The following NRG3 variants were observed in gnomAD, a reference collection of about 807,000 sequenced individuals.
NRG3 encodes pro-neuregulin-3, membrane-bound isoform.
Under a neutral mutation model 66.9 loss-of-function variants are expected in NRG3, and 31 were observed. The ratio of observed to expected loss-of-function variants is 0.46; its 90% CI spans 0.35 to 0.63. NRG3 has a LOEUF of 0.63. Among genes scored for constraint, NRG3 ranks in the 20% least tolerant of loss-of-function variants. NRG3 has a pLI of 0.00. For missense variants in NRG3, 910 were observed against 878.9 expected, an observed-to-expected ratio of 1.04 and a Z score of -0.45; for synonymous variants, 393 against 359.4, an observed-to-expected ratio of 1.09 and a Z score of -1.06.
At chr10:82,693,933 T>C (rs2055154678) in intron 2 of NRG3, among the ~76,000 whole-genome samples, 1 of 152,228 alleles carries the variant, frequency 6.6e-6, no homozygotes, top group Admixed American at 6.5e-5. Flanking sequence ...TTTTATTCTC[T>C]TATTTGGCCC....
At chr10:82,196,628 A>G (rs1440085800) in intron 1 of NRG3, among the ~76,000 whole-genome samples, 3 of 152,214 alleles carry the variant, frequency 2.0e-5, no homozygotes, top group African/African-American at 7.2e-5. Flanking sequence ...TGTGTGTGCA[A>G]ATAATTATTA....
chr10:82,327,457 C>G (rs1403872828), intron 1 of NRG3, among the ~76,000 whole-genome samples: 1 of 152,194 alleles, frequency 6.6e-6, no homozygotes, highest in Non-Finnish European at 1.5e-5. Flanking sequence ...CTTTATCTAT[C>G]TATCTTATTC....
intron 2 of NRG3, among the ~76,000 whole-genome samples, chr10:82,635,317 A>G (rs2050114751): frequency 6.6e-6 from 1 of 152,174 alleles, no homozygotes. Context: ...TAAAGACTCC[A>G]GCTTGACTAA....
At chr10:82,555,304 C>T (rs1223499385) in intron 2 of NRG3, among the ~76,000 whole-genome samples, 1 of 152,078 alleles carries the variant, frequency 6.6e-6, no homozygotes, top group African/African-American at 2.4e-5. Context: ...ACCCATTGTC[C>T]AGTTTCTCTA....
intron 4 of NRG3, among the ~76,000 whole-genome samples, chr10:82,882,922 G>A (rs1457054545): frequency 6.6e-6 from 1 of 152,126 alleles, no homozygotes; most frequent in African/African-American, 2.4e-5. Flanking sequence ...AGCTGCCAGT[G>A]GATACCTCTG....
chr10:82,746,391 G>A (rs368238322), intron 3 of NRG3, among the ~76,000 whole-genome samples: 36 of 152,128 alleles, frequency 2.4e-4, no homozygotes, highest in African/African-American at 8.7e-4. Flanking sequence ...GTCCTCCCAG[G>A]GGGCCTGTTC....
At chr10:82,259,052 GGATTATTCCAGAGCTCA>G (rs1464020477) in intron 1 of NRG3, among the ~76,000 whole-genome samples, 1 of 151,988 alleles carries the variant, frequency 6.6e-6, no homozygotes, top group African/African-American at 2.4e-5. Context: ...ACAGTCTCTG[GGATTATTCCAGAGCTCA>G]GACCTATTCT....
intron 2 of NRG3, among the ~76,000 whole-genome samples, chr10:82,703,968 A>T (rs2056095408): frequency 6.6e-6 from 1 of 152,052 alleles, no homozygotes; most frequent in South Asian, 2.1e-4. Flanking sequence ...AACTGCTATG[A>T]TGTGCCACTT....
chr10:82,435,565 C>T (rs950128473), intron 2 of NRG3, among the ~76,000 whole-genome samples: 7 of 152,066 alleles, frequency 4.6e-5, no homozygotes, highest in Admixed American at 1.3e-4. Flanking sequence ...ATCTTCCTAG[C>T]TTTCTAATAT....
At chr10:82,291,811 C>T (rs1023491209) in intron 1 of NRG3, among the ~76,000 whole-genome samples, 1 of 152,094 alleles carries the variant, frequency 6.6e-6, no homozygotes, top group Non-Finnish European at 1.5e-5. Flanking sequence ...AAACCTCACA[C>T]CTTATATAAA....
intron 1 of NRG3, among the ~76,000 whole-genome samples, chr10:81,993,585 G>T (rs1014339756): frequency 1.3e-5 from 2 of 151,976 alleles, no homozygotes; most frequent in Non-Finnish European, 2.9e-5. Context: ...GGCCTCAACT[G>T]ATCCTCCCAC....
intron 1 of NRG3, among the ~76,000 whole-genome samples, chr10:82,204,753 G>A (rs955090527): frequency 6.6e-6 from 1 of 151,988 alleles, no homozygotes; most frequent in African/African-American, 2.4e-5. Flanking sequence ...TCTCAACTTG[G>A]GTGTGCCATA....
At chr10:82,980,181 G>A (rs1206139146) in intron 8 of NRG3, among the ~76,000 whole-genome samples, 1 of 151,224 alleles carries the variant, frequency 6.6e-6, no homozygotes, top group Admixed American at 6.6e-5. Flanking sequence ...CTCCAACCTG[G>A]GTGACAGAGT....
intron 1 of NRG3, among the ~76,000 whole-genome samples, chr10:82,236,905 C>T (rs558157923): frequency 1.2e-4 from 18 of 151,914 alleles, no homozygotes; most frequent in East Asian, 1.9e-4. Flanking sequence ...TTAGTAGAGA[C>T]GGGGTTTCAC....
At chr10:81,898,873 G>A (rs1843763756) in intron 1 of NRG3, among the ~76,000 whole-genome samples, 1 of 152,158 alleles carries the variant, frequency 6.6e-6, no homozygotes, top group African/African-American at 2.4e-5. Flanking sequence ...TATAACTGTG[G>A]TTATACAGGA....
intron 1 of NRG3, among the ~76,000 whole-genome samples, chr10:81,883,814 A>G (rs578152454): frequency 6.6e-6 from 1 of 152,000 alleles, no homozygotes; most frequent in East Asian, 1.9e-4. Context: ...TCATCATCAG[A>G]TTTTCTTCAT....
chr10:82,976,588 T>TATC (rs1852276488), intron 7 of NRG3, among the ~76,000 whole-genome samples: 2 of 152,182 alleles, frequency 1.3e-5, no homozygotes, highest in South Asian at 4.1e-4. Flanking sequence ...AGAATGCTGA[T>TATC]ATCTTCCTTT....
chr10:82,421,865 A>G (rs1178759529), intron 2 of NRG3, among the ~76,000 whole-genome samples: 4 of 151,986 alleles, frequency 2.6e-5, no homozygotes, highest in Admixed American at 1.3e-4. Flanking sequence ...CTAGAAAAAA[A>G]CCATGTAATA....
intron 1 of NRG3, among the ~76,000 whole-genome samples, chr10:81,943,969 C>T (rs1365422631): frequency 3.9e-5 from 6 of 152,082 alleles, no homozygotes; most frequent in Non-Finnish European, 7.3e-5. Context: ...ACAGCAAGAA[C>T]GTGATTGCAG....
Sources: allele counts gnomAD v4.1 joint callset (sites outside exome capture counted in the v4.1 genomes callset), GRCh38; gene constraint gnomAD v4.1.1; transcripts MANE v1.5; gene names NCBI Gene and HGNC (gene_info 2026-07-23, HGNC 2026-07-21).